Variants in PCDHGA10 observed in about 807,000 individuals in gnomAD.
PCDHGA10 encodes the protein protocadherin gamma subfamily A, 10.
PCDHGA10 carries 42 observed loss-of-function variants against 59.5 expected under a neutral mutation model. The observed-to-expected ratio is 0.71, with a 90% CI of 0.55 to 0.91. The LOEUF is 0.91. Ranked by LOEUF, PCDHGA10 falls within the 40% of genes least tolerant of loss-of-function variation. The probability of loss-of-function intolerance (pLI) is 0.00; values close to 1 mark genes in which losing one functional copy is unlikely to be tolerated. For synonymous variants in PCDHGA10, 511 were observed against 517.2 expected (o/e 0.99, Z 0.16); for missense variants, 1,111 against 1,198.2 (o/e 0.93, Z 1.07).
At chr5:141,482,530 C>CAAAAAA (rs3074545) in intron 1 of PCDHGA10, among the ~76,000 whole-genome samples, 68 of 76,370 alleles carry the variant, frequency 8.9e-4, no homozygotes, top group African/African-American at 1.2e-3. Context: ...GACAGACATG[C>CAAAAAA]AAAAAAAAAA....
rs2095787223 is a variant in PCDHGA10, at chr5:141,414,780, G to A, written c.1605G>A (p.Gln535=). 2 of 1,614,232 alleles carry A rather than the reference G, an allele frequency of 1.2e-6. No individual in the cohort carries two copies. Among genetic ancestry groups the A allele is most frequent in the Non-Finnish European group, 1.7e-6 (2 of 1,180,050 alleles). ...AGCAGTTTCATGAGCTACAGATGCA[G>A]GTGACAGCCAGCGACAGCGGGGATC... ...DYEQFHELQM[Q]VTASDSGDPP... The change falls in exon 1 of 4, where the codon CAG becomes CAA. Residue 535 remains glutamine (Q), a synonymous_variant. Coordinates refer to ENST00000398610, the MANE Select transcript of PCDHGA10 (RefSeq NM_018913.3).
intron 1 of PCDHGA10, chr5:141,439,845 T>C (rs983341549): frequency 6.6e-6 from 1 of 152,252 alleles, no homozygotes; most frequent in Non-Finnish European, 1.5e-5. Flanking sequence ...ACTCTAACTG[T>C]GGAAAAGGTG....
chr5:141,436,700 C>T (rs2097841356), intron 1 of PCDHGA10, among the ~76,000 whole-genome samples: 1 of 152,166 alleles, frequency 6.6e-6, no homozygotes, highest in Non-Finnish European at 1.5e-5. Flanking sequence ...AATGCCAGCA[C>T]ACTCGATGTT....
chr5:141,433,328 G>C, intron 1 of PCDHGA10: 1 of 724,580 alleles, frequency 1.4e-6, no homozygotes, highest in Non-Finnish European at 2.3e-6. Context: ...GGTGTAACAG[G>C]GACTACAGGT....
Position 141,414,613 on chromosome 5 carries a change from G to A in PCDHGA10, c.1438G>A (p.Ala480Thr), listed in dbSNP as rs957641063. The A allele has an allele frequency of 1.2e-6, 2 of 1,613,988 alleles. No individual in the cohort carries two copies. The highest frequency in any genetic ancestry group is 4.5e-5 in the East Asian group (2 of 44,886). The change falls in exon 1 of 4, where the codon GCG (alanine) becomes ACG (threonine). Residue 480 changes from alanine to threonine, a missense_variant. Coordinates refer to ENST00000398610, the MANE Select transcript of PCDHGA10 (RefSeq NM_018913.3). ...GGGTGCCTCCATCTTCTCAGTGACA[G>A]CGCTGGACCCGGACAGCAAAGAGAA... Reference protein sequence around the residue: ...ARGASIFSVTALDPDSKENAQ... With the variant: ...ARGASIFSVTTLDPDSKENAQ...
rs936419038 is a variant in PCDHGA10 at position 141,493,313 on chromosome 5, G to T, written c.2437-1494G>T. On this transcript the variant is annotated intron_variant, in intron 1 of 3. Transcript: ENST00000398610. This position sits in a 1 kb window ranked among gnomAD's most constrained non-coding sequence, Gnocchi z 4.3. ...TCAAGTTCACAGAGCAAGTAAGAGA[G>T]ATTCTAACCCCTGTCTAACTCCAGA... Among the ~76,000 whole-genome samples, 4 of 152,214 alleles carry T rather than the reference G, an allele frequency of 2.6e-5. No individual in the cohort carries two copies. Among genetic ancestry groups the T allele is most frequent in the Non-Finnish European group, 4.4e-5 (3 of 68,040 alleles).
chr5:141,488,193 T>C (rs1211647195), intron 1 of PCDHGA10, among the ~76,000 whole-genome samples: 1 of 152,122 alleles, frequency 6.6e-6, no homozygotes, highest in Non-Finnish European at 1.5e-5. Flanking sequence ...TTGGTCTGGG[T>C]CTTAGGACTC....
chr5:141,415,041 G>C lies in PCDHGA10; in HGVS notation c.1866G>C (p.Ala622=). ...LLKASEPGLF[A]VGEHTGEVRT... is the part of the protein sequence containing the mutation. ...AGGCCAGCGAGCCGGGACTCTTCGC[G>C]GTGGGGGAGCACACGGGCGAGGTGC... The change falls in exon 1 of 4, where the codon GCG becomes GCC. Residue 622 remains alanine, a synonymous_variant. Transcript: ENST00000398610. 1.2e-6 allele frequency: 2 copies of C among 1,613,530 alleles called. No homozygotes were observed. Among genetic ancestry groups the C allele is most frequent in the Non-Finnish European group, 1.7e-6 (2 of 1,179,968 alleles).
At chr5:141,505,361 A>G (rs2099845711) in intron 2 of PCDHGA10, 32 bp from the exon 3 acceptor site, 1 of 1,613,910 alleles carries the variant, frequency 6.2e-7, no homozygotes, top group South Asian at 1.1e-5. Context: ...CCGGCCTGGG[A>G]GTCTGTGCTC....
rs767719494 is a variant in PCDHGA10 at position 141,491,200 on chromosome 5, C to T, written c.2437-3607C>T. On this transcript the variant is annotated intron_variant, in intron 1 of 3. Coordinates refer to ENST00000398610, the MANE Select transcript of PCDHGA10 (RefSeq NM_018913.3). This position sits in a 1 kb window ranked among gnomAD's most constrained non-coding sequence, Gnocchi z 6.9. The stretch of plus-strand genomic sequence containing the variant: ...GGTCCTGGTGAGGGACAATGGTGAC[C>T]CTTCACTCTCCTCCACAGCCACAGT... 4 of 1,614,158 alleles carry T rather than the reference C, an allele frequency of 2.5e-6. No individual in the cohort carries two copies. The highest frequency in any genetic ancestry group is 3.4e-6 in the Non-Finnish European group (4 of 1,180,000).
rs2099410057 is a variant in PCDHGA10, at chr5:141,477,370, G to C, written c.2437-17437G>C. The C allele has an allele frequency of 6.2e-7, 1 of 1,614,054 alleles. No homozygotes were observed. On this transcript the variant is annotated intron_variant, in intron 1 of 3. Coordinates refer to ENST00000398610, the MANE Select transcript of PCDHGA10 (RefSeq NM_018913.3). This position sits in a 1 kb window ranked among gnomAD's most constrained non-coding sequence, Gnocchi z 4.9. The stretch of plus-strand genomic sequence containing the variant: ...AAACCAGTGCAGACCTGGATCGGGA[G>C]ACTGTGCCAGAATACAACCTCAGCA...
chr5:141,482,500 G>T (rs1409735210), intron 1 of PCDHGA10, among the ~76,000 whole-genome samples: 1 of 133,788 alleles, frequency 7.5e-6, no homozygotes, highest in Non-Finnish European at 1.5e-5. Flanking sequence ...TATCATTCTG[G>T]TACCCAGAGT....
intron 1 of PCDHGA10, among the ~76,000 whole-genome samples, chr5:141,470,842 C>A (rs2099241464): frequency 6.6e-6 from 1 of 152,044 alleles, no homozygotes; most frequent in Non-Finnish European, 1.5e-5. Context: ...CACACGCCAC[C>A]ATGCTCAGAT....
intron 1 of PCDHGA10, chr5:141,422,988 C>T: frequency 6.2e-7 from 1 of 1,614,232 alleles, no homozygotes; most frequent in Non-Finnish European, 8.5e-7. Context: ...AACCTGGCTA[C>T]CTGGTGACCA....
At position 141,491,514 on chromosome 5, in the gene PCDHGA10, G is replaced by A. The variant is rs753335815; in HGVS notation, c.2437-3293G>A. ...AGGTGAGCTCGGACGGCACGCTCAAGTACATGGAGGTGACGCTGCGGCCCA... is the reference window on the plus strand; with the variant it reads ...AGGTGAGCTCGGACGGCACGCTCAAATACATGGAGGTGACGCTGCGGCCCA... On this transcript the variant is annotated intron_variant, in intron 1 of 3. Coordinates refer to ENST00000398610, the MANE Select transcript of PCDHGA10 (RefSeq NM_018913.3). The surrounding 1 kb of genome is among the most constrained non-coding windows in gnomAD (Gnocchi z 6.9). 2 of 1,613,964 alleles carry A rather than the reference G, an allele frequency of 1.2e-6. No individual in the cohort carries two copies. Among genetic ancestry groups the A allele is most frequent in the East Asian group, 2.2e-5 (1 of 44,892 alleles).
At position 141,486,134 on chromosome 5, in the gene PCDHGA10, C is replaced by T; in HGVS notation, c.2437-8673C>T. 6.2e-7 allele frequency: 1 copy of T among 1,614,168 alleles called. No homozygotes were observed. ...TGAGAATTACTATGAATTTGATGTG[C>T]GGGCTCGCGATGGGGGTTCTCCAGC... On this transcript the variant is annotated intron_variant, in intron 1 of 3. Coordinates refer to ENST00000398610, the MANE Select transcript of PCDHGA10 (RefSeq NM_018913.3). The surrounding 1 kb of genome is among the most constrained non-coding windows in gnomAD (Gnocchi z 5.0).
intron 1 of PCDHGA10, chr5:141,439,807 G>A (rs2098132839): frequency 6.6e-6 from 1 of 152,336 alleles, no homozygotes; most frequent in African/African-American, 2.4e-5. Context: ...AGTTTGAAAA[G>A]GGGCTTATTT....
rs149314216 is a variant in PCDHGA10, at chr5:141,487,041, G to A, written c.2437-7766G>A. 2.1e-3 allele frequency: 3,442 copies of A among 1,614,128 alleles called. 3 individuals carry two copies. Among genetic ancestry groups the A allele is most frequent in the Non-Finnish European group, 2.7e-3 (3,235 of 1,180,026 alleles). ...GATCCCAGCCTGTTTGCAGTCTCTC[G>A]ATATGCTGGGGAGGTGCGGACGGCT... On this transcript the variant is annotated intron_variant, in intron 1 of 3. Transcript: ENST00000398610. The surrounding 1 kb of genome is among the most constrained non-coding windows in gnomAD (Gnocchi z 5.0).
At chr5:141,494,644 G>A in intron 1 of PCDHGA10, 163 bp from the exon 2 acceptor site, 1 of 933,684 alleles carries the variant, frequency 1.1e-6, no homozygotes. Flanking sequence ...TGAGACCTGA[G>A]GTGTATTTTG....
Sources: allele counts gnomAD v4.1 joint callset (sites outside exome capture counted in the v4.1 genomes callset), GRCh38; gene constraint gnomAD v4.1.1; non-coding constraint Gnocchi (gnomAD v3.1); transcripts MANE v1.5; gene names NCBI Gene and HGNC (gene_info 2026-07-23, HGNC 2026-07-21).